TDRD3: variants seen among roughly 807,000 people sequenced by gnomAD.
The protein encoded by TDRD3 is tudor domain-containing protein 3.
A neutral mutation model predicts 86.7 loss-of-function variants in TDRD3; 45 were observed. The observed-to-expected ratio is 0.52, with a 90% CI of 0.41 to 0.67. TDRD3 has a LOEUF of 0.67. Among genes scored for constraint, TDRD3 ranks in the 30% least tolerant of loss-of-function variants. The probability of loss-of-function intolerance (pLI) is 0.00; values close to 1 mark genes in which losing one functional copy is unlikely to be tolerated. For missense variants in TDRD3, 814 were observed against 889.0 expected (o/e 0.92, Z 1.07); for synonymous variants, 298 against 301.7 (o/e 0.99, Z 0.13).
intron 10 of TDRD3, among the ~76,000 whole-genome samples, chr13:60,517,891 C>T (rs1029085414): frequency 2.0e-5 from 3 of 152,174 alleles, no homozygotes; most frequent in Admixed American, 6.5e-5. Context: ...AGTACCTAAA[C>T]ATTTGTTACT....
chr13:60,547,230 T>C (rs1331391117), intron 12 of TDRD3: 1 of 985,296 alleles, frequency 1.0e-6, no homozygotes, highest in Non-Finnish European at 1.2e-6. Context: ...ACTTTTGCCA[T>C]TCTTGGACCC....
At chr13:60,450,366 T>C (rs755591335) in intron 3 of TDRD3, among the ~76,000 whole-genome samples, 2 of 152,200 alleles carry the variant, frequency 1.3e-5, no homozygotes, top group Non-Finnish European at 2.9e-5. Context: ...ACAAATATTA[T>C]CATACTTTTA....
At chr13:60,497,775 A>AT (rs997201907) in intron 8 of TDRD3, among the ~76,000 whole-genome samples, 3 of 151,364 alleles carry the variant, frequency 2.0e-5, no homozygotes, top group South Asian at 2.1e-4. Context: ...ACTCTGATGA[A>AT]TTTTTTTTTG....
At chr13:60,573,416 C>CA in intron 13 of TDRD3, among the ~76,000 whole-genome samples, 200 bp from the exon 14 acceptor site, 2 of 152,132 alleles carry the variant, frequency 1.3e-5, no homozygotes, top group Admixed American at 1.3e-4. Context: ...AATTTATTTT[C>CA]AAAAAAATTT....
In TDRD3 at chr13:60,489,091, C is replaced by T. The variant is rs545251753; in HGVS notation, c.717+3143C>T. ...TCGTTTGTCTATTTTTACTTGTGTG[C>T]CTGTGTTTTTGAGGTCTTATCCAAA... On this transcript the variant is annotated intron_variant, in intron 7 of 13. Coordinates refer to ENST00000377881, the MANE Select transcript of TDRD3 (RefSeq NM_001146070.2). 4.6e-5 allele frequency among the ~76,000 whole-genome samples: 7 copies of T among 152,086 alleles called. No individual in the cohort carries two copies. In the East Asian group the frequency reaches 1.4e-3, roughly 29 times the overall value.
intron 12 of TDRD3, among the ~76,000 whole-genome samples, chr13:60,554,566 T>C (rs1434291891): frequency 6.6e-6 from 1 of 152,158 alleles, no homozygotes; most frequent in Non-Finnish European, 1.5e-5. Context: ...AATAATCTTA[T>C]GGATAAACTT....
At chr13:60,469,001 A>G (rs1956015234) in intron 5 of TDRD3, among the ~76,000 whole-genome samples, 1 of 152,164 alleles carries the variant, frequency 6.6e-6, no homozygotes, top group Non-Finnish European at 1.5e-5. Flanking sequence ...CTTAGTTGGG[A>G]AGTGCCTGTG....
chr13:60,554,603 A>G lies in TDRD3; in HGVS notation c.2119-12922A>G, dbSNP rs150910682. Among the ~76,000 whole-genome samples the G allele has an allele frequency of 6.0e-3, 917 of 152,318 alleles. 10 individuals carry two copies. Among genetic ancestry groups the G allele is most frequent in the African/African-American group, 0.021 (874 of 41,578 alleles). Reference sequence around the variant, plus strand: ...GAATTTTTAAAAAGTTGATTGTCTTAATACTTTTCAGGAAGATACTATTTG... The same window carrying G: ...GAATTTTTAAAAAGTTGATTGTCTTGATACTTTTCAGGAAGATACTATTTG... On this transcript the variant is annotated intron_variant, in intron 12 of 13. Coordinates refer to ENST00000377881, the MANE Select transcript of TDRD3 (RefSeq NM_001146070.2).
intron 1 of TDRD3, among the ~76,000 whole-genome samples, chr13:60,431,643 AT>A (rs891093772): frequency 2.8e-5 from 4 of 140,868 alleles, no homozygotes; most frequent in East Asian, 2.1e-4. Flanking sequence ...GTAATTAAAA[AT>A]TTTTTTTTGC....
intron 12 of TDRD3, 28 bp from the exon 13 acceptor site, chr13:60,567,497 A>G (rs552828237): frequency 2.5e-6 from 4 of 1,614,028 alleles, no homozygotes; most frequent in East Asian, 4.5e-5. Context: ...CATTTTGAAC[A>G]TGTAAAATCA....
intron 5 of TDRD3, 83 bp from the exon 6 acceptor site, chr13:60,483,692 A>T: frequency 8.1e-7 from 1 of 1,238,310 alleles, no homozygotes; most frequent in Non-Finnish European, 1.1e-6. Context: ...CTACTCAAAT[A>T]GGTAGATTCC....
chr13:60,540,468 A>G (rs879080928), intron 12 of TDRD3, among the ~76,000 whole-genome samples: 1 of 152,186 alleles, frequency 6.6e-6, no homozygotes. Context: ...GGAGATATAA[A>G]AACTGCTGAC....
chr13:60,552,256 C>T (rs1247915562), intron 12 of TDRD3, among the ~76,000 whole-genome samples: 1 of 152,222 alleles, frequency 6.6e-6, no homozygotes, highest in Non-Finnish European at 1.5e-5. Context: ...GGTAAATGTT[C>T]CTATTCCAAA....
chr13:60,448,610 G>T (rs1955462053), intron 3 of TDRD3, among the ~76,000 whole-genome samples: 1 of 151,976 alleles, frequency 6.6e-6, no homozygotes. Context: ...CTTCATATTT[G>T]ATTCAAAAGC....
chr13:60,439,624 G>T, intron 1 of TDRD3, 64 bp from the exon 2 acceptor site: 1 of 1,295,058 alleles, frequency 7.7e-7, no homozygotes, highest in Non-Finnish European at 1.1e-6. Context: ...ATTGCATGTA[G>T]ACTTAAGAAT....
intron 13 of TDRD3, among the ~76,000 whole-genome samples, chr13:60,570,982 G>A (rs1203298627): frequency 3.3e-5 from 5 of 152,072 alleles, no homozygotes; most frequent in African/African-American, 1.2e-4. Context: ...CACAATTTTG[G>A]TGGTTTTCTA....
intron 1 of TDRD3, among the ~76,000 whole-genome samples, chr13:60,397,900 C>A (rs1008054775): frequency 6.6e-6 from 1 of 152,160 alleles, no homozygotes; most frequent in South Asian, 2.1e-4. Context: ...GCCCGCGCTG[C>A]GGCCGGAGCC....
At chr13:60,560,487 T>C (rs1177304331) in intron 12 of TDRD3, among the ~76,000 whole-genome samples, 2 of 152,222 alleles carry the variant, frequency 1.3e-5, no homozygotes, top group African/African-American at 4.8e-5. Flanking sequence ...TTTGATGTTT[T>C]CACTGAATTT....
chr13:60,458,797 G>A (rs563119138), intron 3 of TDRD3, among the ~76,000 whole-genome samples: 1 of 152,208 alleles, frequency 6.6e-6, no homozygotes, highest in South Asian at 2.1e-4. Context: ...TGTGGCTGGA[G>A]GATTGTATTG....
Sources: gnomAD v4.1 joint callset for allele counts (sites outside exome capture counted in the v4.1 genomes callset) on GRCh38, gnomAD v4.1.1 for gene constraint, MANE v1.5 for transcripts, NCBI Gene and HGNC (gene_info 2026-07-23, HGNC 2026-07-21) for gene names.